TP63: variants seen among roughly 807,000 people sequenced by gnomAD.
TP63 encodes tumor protein p63, also known as tumor protein 63.
Under a neutral mutation model 82.8 loss-of-function variants are expected in TP63, and 17 were observed. The observed-to-expected ratio is 0.21, with a 90% confidence interval of 0.14 to 0.31. The LOEUF is 0.31. Ranked by LOEUF, TP63 falls within the 10% of genes least tolerant of loss-of-function variation. TP63 has a pLI of 1.00. For synonymous variants in TP63, 330 were observed against 321.7 expected (o/e 1.03, Z -0.28); for missense variants, 648 against 895.3 (o/e 0.72, Z 3.52).
intron 3 of TP63, among the ~76,000 whole-genome samples, chr3:189,765,036 G>A (rs1722835032): frequency 1.3e-5 from 2 of 152,250 alleles, no homozygotes; most frequent in South Asian, 4.1e-4. Context: ...CTTTATTGGA[G>A]CGTTGTGGAT....
chr3:189,818,917 G>A (rs897475525), intron 4 of TP63, among the ~76,000 whole-genome samples: 22 of 152,140 alleles, frequency 1.4e-4, no homozygotes, highest in African/African-American at 5.3e-4. Context: ...AAAGGAATTT[G>A]AGAACATGAT....
chr3:189,806,079 G>A (rs902986098), intron 3 of TP63, among the ~76,000 whole-genome samples: 2 of 106,742 alleles, frequency 1.9e-5, no homozygotes, highest in East Asian at 2.8e-4. Flanking sequence ...CCCCTTACAC[G>A]GAATTGTCCC....
At chr3:189,886,342 C>G in intron 10 of TP63, 52 bp from the exon 11 acceptor site, 1 of 1,588,302 alleles carries the variant, frequency 6.3e-7, no homozygotes, top group Non-Finnish European at 8.6e-7. Flanking sequence ...ATCAATAGTC[C>G]CCACTCTTCA....
intron 11 of TP63, among the ~76,000 whole-genome samples, chr3:189,888,760 A>G (rs906215316): frequency 3.9e-5 from 6 of 152,254 alleles, no homozygotes; most frequent in Admixed American, 1.3e-4. Flanking sequence ...AAAATGGACC[A>G]TAAGTAATAG....
chr3:189,861,309 T>C (rs182291008), intron 4 of TP63, among the ~76,000 whole-genome samples: 2 of 152,276 alleles, frequency 1.3e-5, no homozygotes, highest in East Asian at 3.9e-4. Context: ...GCTCAATCCA[T>C]GTTGCTGCAA....
At chr3:189,755,066 G>A (rs1372252876) in intron 3 of TP63, among the ~76,000 whole-genome samples, 2 of 152,030 alleles carry the variant, frequency 1.3e-5, no homozygotes, top group Admixed American at 6.6e-5. Context: ...ATTTAGGTGC[G>A]ACCTTTACAA....
intron 4 of TP63, among the ~76,000 whole-genome samples, chr3:189,813,848 A>G (rs1019652188): frequency 1.3e-5 from 2 of 152,172 alleles, no homozygotes; most frequent in African/African-American, 2.4e-5. Context: ...GGAGCCCTCA[A>G]TTCTGACTCT....
the TP63 span, among the ~76,000 whole-genome samples, chr3:189,617,431 G>A: frequency 1.8e-3 from 275 of 152,244 alleles, 3 homozygotes; most frequent in African/African-American, 6.5e-3. Context: ...CAAATCTATG[G>A]CTACCTGTCC....
chr3:189,764,850 A>G (rs1282936445), intron 3 of TP63, among the ~76,000 whole-genome samples: 1 of 152,238 alleles, frequency 6.6e-6, no homozygotes, highest in Non-Finnish European at 1.5e-5. Context: ...GAATCAGAAA[A>G]TAAACTAGAA....
intron 3 of TP63, among the ~76,000 whole-genome samples, chr3:189,768,162 G>GT (rs1205374712): frequency 2.0e-5 from 3 of 152,020 alleles, no homozygotes; most frequent in African/African-American, 7.2e-5. Flanking sequence ...TGCTGTTGCT[G>GT]TTTTTTTGCA....
At chr3:189,655,477 T>G (rs1429336290) in intron 1 of TP63, among the ~76,000 whole-genome samples, 4 of 151,984 alleles carry the variant, frequency 2.6e-5, no homozygotes, top group Non-Finnish European at 5.9e-5. Flanking sequence ...ATACAAAAAT[T>G]AGCTGGGCAT....
intron 1 of TP63, among the ~76,000 whole-genome samples, chr3:189,672,524 C>G (rs895495874): frequency 6.6e-6 from 1 of 151,836 alleles, no homozygotes; most frequent in Non-Finnish European, 1.5e-5. Flanking sequence ...ATTACTTGAA[C>G]CTGGCAGGGG....
the TP63 span, among the ~76,000 whole-genome samples, chr3:189,605,943 G>C: frequency 6.6e-6 from 1 of 152,138 alleles, no homozygotes; most frequent in Non-Finnish European, 1.5e-5. Context: ...ACAAAATACT[G>C]ACCCAATGTA....
At chr3:189,878,359 G>A (rs77400156) in intron 10 of TP63, among the ~76,000 whole-genome samples, 1,731 of 147,916 alleles carry the variant, frequency 0.012, 33 homozygotes, top group African/African-American at 0.041. Context: ...TAGTTATTAT[G>A]GAACTACACA....
intron 1 of TP63, among the ~76,000 whole-genome samples, chr3:189,735,287 A>T (rs988166823): frequency 2.0e-5 from 3 of 151,890 alleles, no homozygotes; most frequent in Non-Finnish European, 4.4e-5. Flanking sequence ...TCACAGATTC[A>T]TTTTTCCCCT....
intron 1 of TP63, among the ~76,000 whole-genome samples, chr3:189,685,494 C>T (rs528722541): frequency 3.3e-5 from 5 of 152,248 alleles, no homozygotes; most frequent in African/African-American, 1.2e-4. Context: ...TGAAGCTTCC[C>T]GCAGCCAGCT....
At chr3:189,672,627 AG>A (rs1714992899) in intron 1 of TP63, among the ~76,000 whole-genome samples, 1 of 126,022 alleles carries the variant, frequency 7.9e-6, no homozygotes, top group Non-Finnish European at 1.7e-5. Flanking sequence ...GAAAAAAGGA[AG>A]GAAGGAAGGG....
chr3:189,843,910 G>T (rs187003064), intron 4 of TP63, among the ~76,000 whole-genome samples: 147 of 152,232 alleles, frequency 9.7e-4, no homozygotes, highest in Admixed American at 2.5e-3. Context: ...ATGTAGTTTA[G>T]AAATAGAATG....
rs755622591 is a variant in TP63 at position 189,890,798 on chromosome 3, G to A, written c.1662G>A (p.Ala554=). Residue 554 remains alanine (A), a synonymous_variant, in exon 13 of 14, where the codon GCG becomes GCA. Transcript: ENST00000264731. ...CCTCCTCCCTCTGCAGTTTCTTAGC[G>A]AGGTTGGGCTGTTCATCATGTCTGG... ...PTDCSIVSFL[A]RLGCSSCLDY... 6.2e-6 allele frequency: 10 copies of A among 1,613,828 alleles called. No homozygotes were observed. The highest frequency in any genetic ancestry group is 2.7e-5 in the African/African-American group (2 of 74,870).
Sources: allele counts gnomAD v4.1 joint callset (sites outside exome capture counted in the v4.1 genomes callset), GRCh38; gene constraint gnomAD v4.1.1; transcripts MANE v1.5; gene names NCBI Gene and HGNC (gene_info 2026-07-23, HGNC 2026-07-21).